Variants in ELOVL5 observed in about 807,000 individuals in gnomAD.
ELOVL5 encodes the protein ELOVL fatty acid elongase 5, also known as very long chain fatty acid elongase 5.
Under a neutral mutation model 38.6 loss-of-function variants are expected in ELOVL5, and 8 were observed. The ratio of observed to expected loss-of-function variants is 0.21; its 90% confidence interval spans 0.12 to 0.37. The LOEUF is 0.37. ELOVL5 is among the 10% of genes least tolerant of loss of function. The probability of loss-of-function intolerance (pLI) is 1.00; values close to 1 mark genes in which losing one functional copy is unlikely to be tolerated. For synonymous variants in ELOVL5, 127 were observed against 133.7 expected (o/e 0.95, Z 0.34); for missense variants, 280 against 367.8 (o/e 0.76, Z 1.95).
intron 1 of ELOVL5, among the ~76,000 whole-genome samples, chr6:53,320,290 C>A (rs1239343543): frequency 2.0e-5 from 3 of 152,064 alleles, no homozygotes; most frequent in African/African-American, 7.2e-5. Flanking sequence ...GCACTCCAGC[C>A]TGGGTGACAG....
chr6:53,339,914 C>G (rs1769254273), intron 1 of ELOVL5, among the ~76,000 whole-genome samples: 1 of 152,132 alleles, frequency 6.6e-6, no homozygotes, highest in South Asian at 2.1e-4. Context: ...AATGACAGCT[C>G]ATGTGTGTTA....
intron 1 of ELOVL5, among the ~76,000 whole-genome samples, chr6:53,303,658 C>T (rs924787489): frequency 2.0e-5 from 3 of 152,194 alleles, no homozygotes; most frequent in Non-Finnish European, 4.4e-5. Flanking sequence ...AGAACAACCT[C>T]ATTCCGGTAT....
At chr6:53,297,875 A>C (rs1767077235) in intron 1 of ELOVL5, among the ~76,000 whole-genome samples, 1 of 152,194 alleles carries the variant, frequency 6.6e-6, no homozygotes, top group African/African-American at 2.4e-5. Flanking sequence ...AGGAGAGACA[A>C]GAAATTCTAG....
At chr6:53,321,752 G>GA (rs1477165359) in intron 1 of ELOVL5, among the ~76,000 whole-genome samples, 4 of 152,052 alleles carry the variant, frequency 2.6e-5, no homozygotes, top group Admixed American at 2.6e-4. Context: ...AAATCATACC[G>GA]AAATTCCAAC....
At chr6:53,324,171 T>C (rs1768412683) in intron 1 of ELOVL5, among the ~76,000 whole-genome samples, 2 of 150,402 alleles carry the variant, frequency 1.3e-5, no homozygotes. Flanking sequence ...GAGAAGTGCT[T>C]TAACTTGGAA....
At chr6:53,296,735 T>C (rs1450708337) in intron 1 of ELOVL5, among the ~76,000 whole-genome samples, 2 of 152,142 alleles carry the variant, frequency 1.3e-5, no homozygotes, top group East Asian at 3.9e-4. Flanking sequence ...ATTTAGAGGG[T>C]AGCTAATCAA....
At chr6:53,296,512 TTATAAG>T (rs1767008447) in intron 1 of ELOVL5, among the ~76,000 whole-genome samples, 2 of 152,294 alleles carry the variant, frequency 1.3e-5, no homozygotes, top group South Asian at 4.1e-4. Flanking sequence ...TATATCATAT[TTATAAG>T]TATAATGTAC....
intron 1 of ELOVL5, among the ~76,000 whole-genome samples, chr6:53,298,897 A>C (rs1205906790): frequency 8.9e-5 from 4 of 44,834 alleles, no homozygotes; most frequent in East Asian, 6.4e-4. Context: ...GGTGGGGGCA[A>C]GGCGGGGGGG....
At chr6:53,346,913 GA>G (rs538869962) in intron 1 of ELOVL5, among the ~76,000 whole-genome samples, 186 of 152,292 alleles carry the variant, frequency 1.2e-3, no homozygotes, top group African/African-American at 4.1e-3. Context: ...TGATTTCAGG[GA>G]ATGGGAAGGA....
chr6:53,333,249 T>A (rs1768885112), intron 1 of ELOVL5, among the ~76,000 whole-genome samples: 1 of 152,224 alleles, frequency 6.6e-6, no homozygotes, highest in Non-Finnish European at 1.5e-5. Context: ...AAACTAGACC[T>A]CTGAAAGATC....
chr6:53,269,109 G>A lies in ELOVL5; in HGVS notation c.*18C>T. On this transcript the variant is annotated 3_prime_UTR_variant, in exon 8 of 8. Transcript: ENST00000304434. ...TACAATCAGATGACGTGGTTTGGAGGGTTTCAATTCTTTGACTTCAATCCT... is the reference window on the plus strand; with the variant it reads ...TACAATCAGATGACGTGGTTTGGAGAGTTTCAATTCTTTGACTTCAATCCT... 6.2e-7 allele frequency: 1 copy of A among 1,610,616 alleles called. No homozygotes were observed. Among genetic ancestry groups the A allele is most frequent in the Non-Finnish European group, 8.5e-7 (1 of 1,178,896 alleles).
chr6:53,318,165 AT>A (rs1372518804), intron 1 of ELOVL5, among the ~76,000 whole-genome samples: 3 of 152,236 alleles, frequency 2.0e-5, no homozygotes, highest in South Asian at 4.1e-4. Flanking sequence ...GTTACAATAA[AT>A]TTTTTTCTAT....
In ELOVL5 at chr6:53,269,058, C is replaced by T; in HGVS notation, c.*69G>A. 4.5e-6 allele frequency: 7 copies of T among 1,554,420 alleles called. No homozygotes were observed. Among genetic ancestry groups the T allele is most frequent in the Non-Finnish European group, 6.1e-6 (7 of 1,143,936 alleles). ...ACTAGTTACAGCAGCTGTTAACGAG[C>T]ATTGGGGCACAACTCATATTGTGCT... On this transcript the variant is annotated 3_prime_UTR_variant, in exon 8 of 8. Transcript: ENST00000304434.
chr6:53,282,997 C>T (rs1382918337), intron 3 of ELOVL5, among the ~76,000 whole-genome samples: 1 of 152,120 alleles, frequency 6.6e-6, no homozygotes, highest in East Asian at 1.9e-4. Flanking sequence ...GGTTAGAAAG[C>T]ACAAACAAAG....
At chr6:53,301,610 G>A (rs371000410) in intron 1 of ELOVL5, among the ~76,000 whole-genome samples, 3 of 152,122 alleles carry the variant, frequency 2.0e-5, no homozygotes, top group African/African-American at 7.2e-5. Context: ...ACAGGGAGTA[G>A]TAACAGGGCC....
At chr6:53,347,099 T>C (rs1346086362) in intron 1 of ELOVL5, among the ~76,000 whole-genome samples, 1 of 152,194 alleles carries the variant, frequency 6.6e-6, no homozygotes, top group Non-Finnish European at 1.5e-5. Flanking sequence ...AAACATCAAA[T>C]TTTAGTAAGC....
At chr6:53,274,944 C>T in intron 5 of ELOVL5, 146 bp downstream of exon 5, 1 of 755,264 alleles carries the variant, frequency 1.3e-6, no homozygotes, top group South Asian at 1.9e-5. Flanking sequence ...TGCATAGGTA[C>T]ATAAACTATC....
intron 1 of ELOVL5, among the ~76,000 whole-genome samples, chr6:53,298,304 C>T (rs903182662): frequency 6.6e-6 from 1 of 152,196 alleles, no homozygotes; most frequent in Non-Finnish European, 1.5e-5. Context: ...GATGGACAAG[C>T]TGCTCACTGG....
intron 3 of ELOVL5, among the ~76,000 whole-genome samples, chr6:53,280,264 T>C (rs1766300810): frequency 1.3e-5 from 2 of 152,202 alleles, no homozygotes; most frequent in South Asian, 2.1e-4. Context: ...AAGCAGGCCA[T>C]CACAAACAGC....
Sources: gnomAD v4.1 joint callset for allele counts (sites outside exome capture counted in the v4.1 genomes callset) on GRCh38, gnomAD v4.1.1 for gene constraint, MANE v1.5 for transcripts, NCBI Gene and HGNC (gene_info 2026-07-23, HGNC 2026-07-21) for gene names.